The following STK32B variants were observed in gnomAD, a reference collection of about 807,000 sequenced individuals.
The protein encoded by STK32B is serine/threonine-protein kinase 32B.
STK32B carries 43 observed loss-of-function variants against 52.6 expected under a neutral mutation model. That is an observed-to-expected ratio of 0.82 (90% CI 0.64 to 1.05). STK32B has a LOEUF of 1.05. STK32B is among the 50% of genes least tolerant of loss of function. STK32B has a pLI of 0.00. For synonymous variants in STK32B, 238 were observed against 204.3 expected (o/e 1.17, Z -1.41); for missense variants, 621 against 534.6 (o/e 1.16, Z -1.59).
intron 3 of STK32B, among the ~76,000 whole-genome samples, chr4:5,288,908 G>T (rs1310561606): frequency 6.6e-6 from 1 of 152,152 alleles, no homozygotes; most frequent in Non-Finnish European, 1.5e-5. Flanking sequence ...TTTATCTTGA[G>T]TTTAAAGCAA....
chr4:5,100,760 C>G (rs1200449510), intron 1 of STK32B, among the ~76,000 whole-genome samples: 10 of 132,182 alleles, frequency 7.6e-5, no homozygotes, highest in East Asian at 2.7e-4. Flanking sequence ...CTCCCTCCCT[C>G]CTCCCTCCCT....
At chr4:5,339,772 A>T (rs1203108724) in intron 4 of STK32B, among the ~76,000 whole-genome samples, 2 of 152,192 alleles carry the variant, frequency 1.3e-5, no homozygotes, top group African/African-American at 2.4e-5. Flanking sequence ...TAATCTGAAA[A>T]ATGCTCCTGA....
chr4:5,440,201 G>C (rs1385518320), intron 6 of STK32B, among the ~76,000 whole-genome samples: 1 of 152,118 alleles, frequency 6.6e-6, no homozygotes, highest in African/African-American at 2.4e-5. Flanking sequence ...GGGCAGTATG[G>C]CCATTTTCAC....
At chr4:5,196,652 C>T (rs150918072) in intron 3 of STK32B, among the ~76,000 whole-genome samples, 1,741 of 151,812 alleles carry the variant, frequency 0.011, 32 homozygotes, top group African/African-American at 0.039. Context: ...ACCCGGGAGG[C>T]GGAGGTTGCA....
chr4:5,172,671 G>A (rs1336382190), intron 3 of STK32B, among the ~76,000 whole-genome samples: 1 of 152,114 alleles, frequency 6.6e-6, no homozygotes, highest in Non-Finnish European at 1.5e-5. Flanking sequence ...ACTTGATCAT[G>A]GTGGATAAGC....
intron 2 of STK32B, among the ~76,000 whole-genome samples, chr4:5,145,186 C>T (rs1295370572): frequency 6.6e-6 from 1 of 152,346 alleles, no homozygotes; most frequent in East Asian, 1.9e-4. Context: ...GCACCAATGT[C>T]TTCCACCTCC....
At position 5,398,221 on chromosome 4, in the gene STK32B, A is replaced by T; in HGVS notation, c.449A>T (p.Asp150Val). 6.2e-7 allele frequency: 1 copy of T among 1,614,128 alleles called. No homozygotes were observed. The highest frequency in any genetic ancestry group is 8.5e-7 in the Non-Finnish European group (1 of 1,180,022). ...TTCTTTTACAGAGACATCAAGCCAG[A>T]CAATATCCTGCTGGATGAACACGGT... ...YHIIHRDIKPDNILLDEHGHV... is the reference protein window; with the variant it reads ...YHIIHRDIKPVNILLDEHGHV... The change falls in exon 5 of 12, where the codon GAC becomes GTC. Residue 150 changes from aspartate to valine, a missense_variant. By Grantham distance (152) the Asp-to-Val change is radical. Transcript: ENST00000282908. This position sits in a 1 kb window ranked among gnomAD's most constrained non-coding sequence, Gnocchi z 4.9.
intron 3 of STK32B, among the ~76,000 whole-genome samples, chr4:5,196,215 G>A (rs895114934): frequency 2.0e-5 from 3 of 152,082 alleles, no homozygotes; most frequent in Admixed American, 6.5e-5. Context: ...CACAGGTGGT[G>A]CACAGCCTAC....
At chr4:5,076,458 CTTACAG>C (rs1712079993) in intron 1 of STK32B, among the ~76,000 whole-genome samples, 1 of 152,080 alleles carries the variant, frequency 6.6e-6, no homozygotes, top group Non-Finnish European at 1.5e-5. Context: ...TGATAATTTC[CTTACAG>C]TTGTCAATTC....
At chr4:5,465,732 G>A (rs1717377823) in intron 9 of STK32B, among the ~76,000 whole-genome samples, 2 of 152,130 alleles carry the variant, frequency 1.3e-5, no homozygotes, top group Non-Finnish European at 2.9e-5. Flanking sequence ...CAGGTAAAAG[G>A]AGAGGACACA....
chr4:5,158,985 T>A (rs1290148056), intron 2 of STK32B, among the ~76,000 whole-genome samples: 1 of 152,196 alleles, frequency 6.6e-6, no homozygotes, highest in Non-Finnish European at 1.5e-5. Context: ...ATTCAAGCCA[T>A]CTGTCACCTA....
At chr4:5,496,872 C>T (rs1399217689) in intron 11 of STK32B, among the ~76,000 whole-genome samples, 10 of 150,642 alleles carry the variant, frequency 6.6e-5, no homozygotes, top group African/African-American at 2.4e-4. Context: ...TGCAAGTGTT[C>T]TTCATAGATA....
At chr4:5,465,158 T>C (rs189166922) in intron 9 of STK32B, among the ~76,000 whole-genome samples, 3 of 152,230 alleles carry the variant, frequency 2.0e-5, no homozygotes, top group African/African-American at 7.2e-5. Context: ...GACATAGGAC[T>C]CCACTCCATT....
intron 1 of STK32B, among the ~76,000 whole-genome samples, chr4:5,115,383 T>C (rs911696837): frequency 6.6e-6 from 1 of 152,174 alleles, no homozygotes; most frequent in Non-Finnish European, 1.5e-5. Flanking sequence ...ATATGTGAGC[T>C]TGAAAAACTG....
At chr4:5,407,429 A>G (rs761394257) in intron 5 of STK32B, among the ~76,000 whole-genome samples, 1 of 152,118 alleles carries the variant, frequency 6.6e-6, no homozygotes. Context: ...AGGAGTCTTT[A>G]TAGCAGTGTC....
intron 3 of STK32B, among the ~76,000 whole-genome samples, chr4:5,219,356 T>A (rs1378166571): frequency 6.6e-6 from 1 of 152,230 alleles, no homozygotes; most frequent in Non-Finnish European, 1.5e-5. Flanking sequence ...CCAGCAAACG[T>A]GGGCCTGACA....
At chr4:5,124,166 G>C (rs768328493) in intron 1 of STK32B, among the ~76,000 whole-genome samples, 1 of 152,114 alleles carries the variant, frequency 6.6e-6, no homozygotes, top group Non-Finnish European at 1.5e-5. Flanking sequence ...CCATCAGCTT[G>C]TTGAGTTCAC....
chr4:5,420,590 A>G (rs1440941434), intron 6 of STK32B, among the ~76,000 whole-genome samples: 1 of 152,192 alleles, frequency 6.6e-6, no homozygotes, highest in Admixed American at 6.5e-5. Flanking sequence ...AGAACCTGCC[A>G]GCACTGAGAT....
chr4:5,324,848 G>T (rs1731769456), intron 3 of STK32B, among the ~76,000 whole-genome samples: 1 of 152,216 alleles, frequency 6.6e-6, no homozygotes, highest in East Asian at 1.9e-4. Context: ...GTCCTAACAT[G>T]ACGGCAAAAT....
Sources: gnomAD v4.1 joint callset for allele counts (sites outside exome capture counted in the v4.1 genomes callset) on GRCh38, gnomAD v4.1.1 for gene constraint, Gnocchi (gnomAD v3.1) non-coding constraint, MANE v1.5 for transcripts, NCBI Gene and HGNC (gene_info 2026-07-23, HGNC 2026-07-21) for gene names.